The following COL14A1 variants were observed in gnomAD, a reference collection of about 807,000 sequenced individuals.
COL14A1 encodes the protein collagen alpha-1(XIV) chain.
Under a neutral mutation model 230.3 loss-of-function variants are expected in COL14A1, and 136 were observed. The observed-to-expected ratio is 0.59, with a 90% confidence interval of 0.51 to 0.68. The LOEUF (loss-of-function observed/expected upper bound fraction) is 0.68. Ranked by LOEUF, COL14A1 falls within the 30% of genes least tolerant of loss-of-function variation. The pLI is 0.00. For synonymous variants in COL14A1, 792 were observed against 784.1 expected (o/e 1.01, Z -0.17); for missense variants, 1,976 against 2,215.8 (o/e 0.89, Z 2.17).
At chr8:120,210,610 G>A (rs1269767405) in intron 12 of COL14A1, among the ~76,000 whole-genome samples, 2 of 152,110 alleles carry the variant, frequency 1.3e-5, no homozygotes, top group Non-Finnish European at 2.9e-5. Context: ...AAACATTTTA[G>A]TCCTCATTTT....
intron 32 of COL14A1, among the ~76,000 whole-genome samples, chr8:120,284,623 A>C (rs553114523): frequency 1.3e-5 from 2 of 152,324 alleles, no homozygotes; most frequent in African/African-American, 4.8e-5. Context: ...TTTTCAGTAC[A>C]TGGAAACTAA....
At position 120,162,514 on chromosome 8, in the gene COL14A1, A is replaced by G. The variant is rs1815713957; in HGVS notation, c.294A>G (p.Gln98=). ...GLMPDQNYTV[Q]IIAYNKDKES... ...TGCCAGACCAGAATTACACAGTTCAAATTATTGCATACAATAAAGATAAAG... is the reference window on the plus strand; with the variant it reads ...TGCCAGACCAGAATTACACAGTTCAGATTATTGCATACAATAAAGATAAAG... The change falls in exon 4 of 48, where the codon CAA becomes CAG. Residue 98 remains glutamine, a synonymous_variant. Transcript: ENST00000297848. The G allele has an allele frequency of 6.2e-7, 1 of 1,612,406 alleles. No homozygotes were observed. The highest frequency in any genetic ancestry group is 1.3e-5 in the African/African-American group (1 of 75,008).
chr8:120,204,986 T>C (rs1053623509), intron 9 of COL14A1, among the ~76,000 whole-genome samples: 46 of 152,042 alleles, frequency 3.0e-4, no homozygotes, highest in African/African-American at 1.1e-3. Flanking sequence ...CACACCAACC[T>C]AGCTGGCATG....
chr8:120,155,263 G>C (rs1474323816), intron 2 of COL14A1, among the ~76,000 whole-genome samples: 4 of 152,154 alleles, frequency 2.6e-5, no homozygotes, highest in Admixed American at 2.6e-4. Flanking sequence ...TGATGGATTT[G>C]GTCGTTGCAT....
intron 34 of COL14A1, among the ~76,000 whole-genome samples, chr8:120,292,324 A>G (rs1820398276): frequency 6.6e-6 from 1 of 152,178 alleles, no homozygotes; most frequent in African/African-American, 2.4e-5. Context: ...GGTTATTTCC[A>G]ACTAGTAGTA....
At chr8:120,162,384 C>T (rs1586727911) in intron 3 of COL14A1, 42 bp from the exon 4 acceptor site, 4 of 1,539,724 alleles carry the variant, frequency 2.6e-6, no homozygotes, top group Non-Finnish European at 3.5e-6. Flanking sequence ...ACACAGTGGA[C>T]CTTATTTCTT....
intron 40 of COL14A1, among the ~76,000 whole-genome samples, chr8:120,318,161 A>G (rs1276373170): frequency 6.6e-6 from 1 of 152,234 alleles, no homozygotes; most frequent in Non-Finnish European, 1.5e-5. Context: ...GGGAAGGACC[A>G]CATATTTTTA....
intron 5 of COL14A1, among the ~76,000 whole-genome samples, chr8:120,181,781 AC>A (rs916271025): frequency 6.6e-6 from 1 of 151,768 alleles, no homozygotes; most frequent in Non-Finnish European, 1.5e-5. Context: ...TGAAACATAG[AC>A]CCCCCCAAAA....
At chr8:120,279,813 T>C (rs1819981578) in intron 28 of COL14A1, 122 bp from the exon 29 acceptor site, 2 of 971,802 alleles carry the variant, frequency 2.1e-6, no homozygotes, top group Non-Finnish European at 3.0e-6. Flanking sequence ...AAGAATGAAT[T>C]ATCCACCCCC....
intron 45 of COL14A1, among the ~76,000 whole-genome samples, chr8:120,362,770 T>C (rs965575744): frequency 2.6e-5 from 4 of 152,122 alleles, no homozygotes; most frequent in African/African-American, 9.7e-5. Flanking sequence ...CTCTAAAAGA[T>C]AGTCATTAGA....
chr8:120,193,680 C>A (rs911556514), intron 5 of COL14A1, among the ~76,000 whole-genome samples: 6 of 152,218 alleles, frequency 3.9e-5, no homozygotes, highest in African/African-American at 1.2e-4. Flanking sequence ...GGCAGGCCTC[C>A]TTGAGCTGTA....
chr8:120,208,455 A>G (rs1563672876), intron 11 of COL14A1, 94 bp downstream of exon 11: 3 of 1,356,772 alleles, frequency 2.2e-6, no homozygotes, highest in East Asian at 2.3e-5. Flanking sequence ...ATGTTGATAG[A>G]CATCCTGAAT....
chr8:120,257,006 G>A (rs1190167428), intron 23 of COL14A1, among the ~76,000 whole-genome samples: 1 of 152,184 alleles, frequency 6.6e-6, no homozygotes. Context: ...AAGATTCATA[G>A]TTTTTTAAAT....
chr8:120,137,345 T>G (rs939215575), intron 1 of COL14A1, among the ~76,000 whole-genome samples: 28 of 152,074 alleles, frequency 1.8e-4, no homozygotes, highest in African/African-American at 6.3e-4. Context: ...TAATTGTGTT[T>G]CAATCTTTGT....
intron 5 of COL14A1, among the ~76,000 whole-genome samples, chr8:120,177,916 G>A (rs1816337015): frequency 6.6e-6 from 1 of 151,650 alleles, no homozygotes; most frequent in East Asian, 1.9e-4. Context: ...TAAAACTGTA[G>A]GACACTAAAA....
At chr8:120,337,486 T>C (rs28650206) in intron 42 of COL14A1, among the ~76,000 whole-genome samples, 5,122 of 151,958 alleles carry the variant, frequency 0.034, 297 homozygotes, top group African/African-American at 0.11. Flanking sequence ...CAGAGGCATA[T>C]TAGAAGAATA....
At chr8:120,308,899 C>T (rs1470754172) in intron 36 of COL14A1, among the ~76,000 whole-genome samples, 2 of 152,118 alleles carry the variant, frequency 1.3e-5, no homozygotes, top group Admixed American at 6.6e-5. Context: ...TATCGAAGAG[C>T]GAACTCTTGG....
At chr8:120,278,704 A>G (rs1270415597) in intron 28 of COL14A1, 126 bp downstream of exon 28, 6 of 945,718 alleles carry the variant, frequency 6.3e-6, no homozygotes, top group Admixed American at 3.2e-5. Flanking sequence ...TTAACTAGAC[A>G]GTGTAATTTT....
At chr8:120,141,144 T>C (rs1370388407) in intron 1 of COL14A1, among the ~76,000 whole-genome samples, 1 of 152,200 alleles carries the variant, frequency 6.6e-6, no homozygotes, top group African/African-American at 2.4e-5. Context: ...GCCCTTACTT[T>C]ACTGTCCAAA....
Sources: gnomAD v4.1 joint callset for allele counts (sites outside exome capture counted in the v4.1 genomes callset) on GRCh38, gnomAD v4.1.1 for gene constraint, MANE v1.5 for transcripts, NCBI Gene and HGNC (gene_info 2026-07-23, HGNC 2026-07-21) for gene names.